ANKS1B: variants seen among roughly 807,000 people sequenced by gnomAD.
The protein encoded by ANKS1B is ankyrin repeat and sterile alpha motif domain-containing protein 1B.
ANKS1B carries 36 observed loss-of-function variants against 148.3 expected under a neutral mutation model. The ratio of observed to expected loss-of-function variants is 0.24; its 90% CI spans 0.19 to 0.32. ANKS1B has a LOEUF of 0.32. Among genes scored for constraint, ANKS1B ranks in the 10% least tolerant of loss-of-function variants. The pLI is 1.00. For missense variants in ANKS1B, 1,157 were observed against 1,542.6 expected, an observed-to-expected ratio of 0.75 and a Z score of 4.19; for synonymous variants, 542 against 560.8, an observed-to-expected ratio of 0.97 and a Z score of 0.47.
intron 1 of ANKS1B, among the ~76,000 whole-genome samples, chr12:99,923,387 G>A (rs779739308): frequency 3.9e-5 from 6 of 152,190 alleles, no homozygotes; most frequent in African/African-American, 2.4e-5. Context: ...AAATCCACGG[G>A]AGGATCCCAA....
chr12:99,716,712 G>C (rs1467223797), intron 8 of ANKS1B, among the ~76,000 whole-genome samples: 4 of 151,930 alleles, frequency 2.6e-5, no homozygotes, highest in Admixed American at 2.0e-4. Flanking sequence ...TCCCTTCCTA[G>C]TCTCTGTTCC....
intron 17 of ANKS1B, among the ~76,000 whole-genome samples, chr12:98,999,726 C>T (rs1383333201): frequency 6.6e-6 from 1 of 152,150 alleles, no homozygotes; most frequent in Non-Finnish European, 1.5e-5. Context: ...TGGGATGCAT[C>T]GGGCTACAAG....
At chr12:99,058,777 G>T (rs2041249232) in intron 16 of ANKS1B, among the ~76,000 whole-genome samples, 1 of 114,788 alleles carries the variant, frequency 8.7e-6, no homozygotes, top group African/African-American at 3.5e-5. Context: ...TCGCTCTGTC[G>T]CCCAGGCTGG....
chr12:98,927,497 C>T (rs376812736), intron 17 of ANKS1B, among the ~76,000 whole-genome samples: 16 of 151,826 alleles, frequency 1.1e-4, no homozygotes, highest in Non-Finnish European at 2.1e-4. Context: ...ATTTAAAAGA[C>T]GAATGCAAAG....
chr12:99,135,399 T>C (rs2067679734), intron 15 of ANKS1B, among the ~76,000 whole-genome samples: 1 of 152,192 alleles, frequency 6.6e-6, no homozygotes, highest in Non-Finnish European at 1.5e-5. Flanking sequence ...TGTACCTTTA[T>C]ATTTAAAGTG....
chr12:99,559,779 G>C (rs2097313590), intron 9 of ANKS1B, among the ~76,000 whole-genome samples: 1 of 152,128 alleles, frequency 6.6e-6, no homozygotes, highest in Non-Finnish European at 1.5e-5. Context: ...TGGAAACAAA[G>C]AGAAAAATCT....
At chr12:99,443,465 T>A (rs1018266989) in intron 11 of ANKS1B, among the ~76,000 whole-genome samples, 1 of 151,990 alleles carries the variant, frequency 6.6e-6, no homozygotes, top group Non-Finnish European at 1.5e-5. Context: ...ACAGGCACAA[T>A]TCATTTTTCC....
At chr12:99,634,427 C>G (rs1305281077) in intron 9 of ANKS1B, among the ~76,000 whole-genome samples, 1 of 152,038 alleles carries the variant, frequency 6.6e-6, no homozygotes, top group East Asian at 1.9e-4. Context: ...AACCTCAGAA[C>G]TATAAAAAAT....
intron 14 of ANKS1B, among the ~76,000 whole-genome samples, chr12:99,202,972 C>T (rs2082239663): frequency 6.6e-6 from 1 of 152,158 alleles, no homozygotes; most frequent in South Asian, 2.1e-4. Flanking sequence ...CTCAAGAGTT[C>T]CAAGACTTGT....
intron 14 of ANKS1B, among the ~76,000 whole-genome samples, chr12:99,201,835 C>T (rs2082105214): frequency 6.6e-6 from 1 of 152,136 alleles, no homozygotes; most frequent in Non-Finnish European, 1.5e-5. Flanking sequence ...AATAACTAGG[C>T]TGGTTATTTC....
At chr12:99,256,257 A>T (rs1786321692) in intron 12 of ANKS1B, among the ~76,000 whole-genome samples, 1 of 151,760 alleles carries the variant, frequency 6.6e-6, no homozygotes. Flanking sequence ...CTCAAAAAAA[A>T]AAAAGAAAAA....
intron 9 of ANKS1B, among the ~76,000 whole-genome samples, chr12:99,531,902 AG>A (rs1348941824): frequency 9.2e-5 from 14 of 152,224 alleles, no homozygotes; most frequent in Admixed American, 9.2e-4. Context: ...CATTCTGACT[AG>A]GGTGATCTTG....
At chr12:99,146,226 A>C (rs1192265496) in intron 15 of ANKS1B, among the ~76,000 whole-genome samples, 1 of 152,108 alleles carries the variant, frequency 6.6e-6, no homozygotes, top group Non-Finnish European at 1.5e-5. Flanking sequence ...TCTGCCTCTA[A>C]GGAATTTACT....
At chr12:99,350,869 C>T (rs78024761) in intron 12 of ANKS1B, among the ~76,000 whole-genome samples, 4,484 of 152,122 alleles carry the variant, frequency 0.029, 223 homozygotes, top group African/African-American at 0.096. Context: ...CATTCAGCTA[C>T]GGTCACTTAG....
At chr12:98,857,606 C>T (rs78747706) in intron 17 of ANKS1B, among the ~76,000 whole-genome samples, 2,398 of 151,446 alleles carry the variant, frequency 0.016, 71 homozygotes, top group African/African-American at 0.054. Flanking sequence ...TTCATGCTCT[C>T]GGTGTAGTGG....
At chr12:98,855,568 C>G (rs918440077) in intron 17 of ANKS1B, among the ~76,000 whole-genome samples, 2 of 152,172 alleles carry the variant, frequency 1.3e-5, no homozygotes, top group Middle Eastern at 3.2e-3. Flanking sequence ...AGTAGGTACT[C>G]AGTAAGTACA....
At chr12:99,518,716 CTCAATT>C (rs2096846586) in intron 9 of ANKS1B, among the ~76,000 whole-genome samples, 1 of 151,924 alleles carries the variant, frequency 6.6e-6, no homozygotes, top group Admixed American at 6.6e-5. Flanking sequence ...ATTTCTTCAT[CTCAATT>C]TCATTTATCT....
chr12:99,304,622 T>C (rs1038368901), intron 12 of ANKS1B, among the ~76,000 whole-genome samples: 1 of 152,138 alleles, frequency 6.6e-6, no homozygotes, highest in Non-Finnish European at 1.5e-5. Context: ...AAATGAGATA[T>C]TCTTGGATTC....
chr12:99,727,587 G>A (rs956771177), intron 8 of ANKS1B, among the ~76,000 whole-genome samples: 1 of 152,118 alleles, frequency 6.6e-6, no homozygotes, highest in African/African-American at 2.4e-5. Context: ...TAGATTCAAT[G>A]CTATTCCCAT....
Sources: gnomAD v4.1 joint callset for allele counts (sites outside exome capture counted in the v4.1 genomes callset) on GRCh38, gnomAD v4.1.1 for gene constraint, MANE v1.5 for transcripts, NCBI Gene and HGNC (gene_info 2026-07-23, HGNC 2026-07-21) for gene names.